Variants in NFIC observed in about 807,000 individuals in gnomAD.
NFIC encodes the protein nuclear factor 1 C-type.
A neutral mutation model predicts 54.4 loss-of-function variants in NFIC; 12 were observed. That is an observed-to-expected ratio of 0.22 (90% CI 0.14 to 0.36). The LOEUF is 0.36. Ranked by LOEUF, NFIC falls within the 10% of genes least tolerant of loss-of-function variation. NFIC has a pLI of 1.00. For synonymous variants in NFIC, 322 were observed against 319.2 expected, an observed-to-expected ratio of 1.01 and a Z score of -0.09; for missense variants, 575 against 718.2, an observed-to-expected ratio of 0.80 and a Z score of 2.28.
At chr19:3,444,316 G>A (rs1194239597) in intron 6 of NFIC, among the ~76,000 whole-genome samples, 8 of 152,188 alleles carry the variant, frequency 5.3e-5, no homozygotes, top group Non-Finnish European at 8.8e-5. Context: ...GGGAGCCCTC[G>A]GGCCTGCGTC....
intron 6 of NFIC, among the ~76,000 whole-genome samples, chr19:3,440,764 G>C (rs8106033): frequency 2.0e-5 from 3 of 152,032 alleles, no homozygotes; most frequent in Non-Finnish European, 4.4e-5. Context: ...CAGGTGATCC[G>C]CCCGCCTCGG....
chr19:3,394,529 C>G (rs1404331793), intron 2 of NFIC, among the ~76,000 whole-genome samples: 1 of 69,536 alleles, frequency 1.4e-5, no homozygotes, highest in Non-Finnish European at 2.6e-5. Flanking sequence ...ACCCACCCCC[C>G]ACCCGCTTAC....
intron 2 of NFIC, among the ~76,000 whole-genome samples, chr19:3,418,587 C>G (rs1290789678): frequency 6.6e-6 from 1 of 152,084 alleles, no homozygotes; most frequent in Non-Finnish European, 1.5e-5. Flanking sequence ...CGTGGTGGCT[C>G]ACACCTGTAA....
At chr19:3,422,342 G>A (rs2081965480) in intron 2 of NFIC, among the ~76,000 whole-genome samples, 1 of 151,726 alleles carries the variant, frequency 6.6e-6, no homozygotes, top group Non-Finnish European at 1.5e-5. Context: ...CCAAAGTGCT[G>A]AGATTACAGG....
intron 10 of NFIC, chr19:3,457,922 G>C (rs2082584960): frequency 6.6e-6 from 1 of 152,214 alleles, no homozygotes; most frequent in Non-Finnish European, 1.5e-5. Flanking sequence ...AGGGATGGAG[G>C]CTGCTTCTCC....
chr19:3,400,851 T>A (rs2081544336), intron 2 of NFIC, among the ~76,000 whole-genome samples: 1 of 151,830 alleles, frequency 6.6e-6, no homozygotes, highest in Non-Finnish European at 1.5e-5. Flanking sequence ...CAAAAAATAA[T>A]AATAATAAAA....
At chr19:3,451,349 T>G (rs564968280) in intron 7 of NFIC, among the ~76,000 whole-genome samples, 1 of 152,206 alleles carries the variant, frequency 6.6e-6, no homozygotes, top group East Asian at 1.9e-4. Context: ...GTGCTGGAAT[T>G]AGGCCGGGCA....
intron 6 of NFIC, among the ~76,000 whole-genome samples, chr19:3,444,487 AACAG>A (rs2082341025): frequency 6.6e-6 from 1 of 152,190 alleles, no homozygotes; most frequent in East Asian, 1.9e-4. Context: ...ATGCCTGCTG[AACAG>A]ACAGAGGATG....
chr19:3,388,542 G>A (rs1298581097), intron 2 of NFIC, among the ~76,000 whole-genome samples: 2 of 152,166 alleles, frequency 1.3e-5, no homozygotes, highest in Non-Finnish European at 2.9e-5. Flanking sequence ...AGGGATTGAG[G>A]CCAGGCGAGG....
chr19:3,366,102 G>A (rs2080877727), upstream of NFIC, among the ~76,000 whole-genome samples: 5 of 151,962 alleles, frequency 3.3e-5, no homozygotes, highest in South Asian at 1.0e-3. Flanking sequence ...GGTGGGGAGG[G>A]GGGGCCTTAA....
At chr19:3,360,675 C>T (rs2145408752) in intron 1 of NFIC, among the ~76,000 whole-genome samples, 1 of 152,292 alleles carries the variant, frequency 6.6e-6, no homozygotes, top group South Asian at 2.1e-4. Context: ...GTGTTGTGAG[C>T]GCCGCCCGCA....
Position 3,463,762 on chromosome 19 carries a change from T to C in NFIC, c.*993T>C. 2 of 984,756 alleles carry C rather than the reference T, an allele frequency of 2.0e-6. No individual in the cohort carries two copies. Among genetic ancestry groups the C allele is most frequent in the Non-Finnish European group, 2.4e-6 (2 of 829,876 alleles). The allele number at this position is 984,756 out of a possible 1,614,324, so 61.0% of individuals were successfully genotyped here. ...ATGGGGGAGCCCGGACACCCAGAGC[T>C]CCCCGAGTTGGGGGTGCCCGTCTGG... On this transcript the variant is annotated 3_prime_UTR_variant, in exon 11 of 11. Transcript: ENST00000443272.
intron 1 of NFIC, among the ~76,000 whole-genome samples, chr19:3,377,615 T>C (rs756244710): frequency 1.3e-5 from 2 of 152,000 alleles, no homozygotes; most frequent in Non-Finnish European, 2.9e-5. Context: ...TTTTATTTTA[T>C]TTTTTATTTT....
At chr19:3,442,295 G>A (rs914926588) in intron 6 of NFIC, among the ~76,000 whole-genome samples, 3 of 151,950 alleles carry the variant, frequency 2.0e-5, no homozygotes, top group African/African-American at 4.8e-5. Flanking sequence ...GGCGACAAAG[G>A]TCCCGTCCAC....
At chr19:3,384,308 C>A (rs2145482782) in intron 2 of NFIC, among the ~76,000 whole-genome samples, 1 of 152,134 alleles carries the variant, frequency 6.6e-6, no homozygotes, top group African/African-American at 2.4e-5. Context: ...CTCAAGCCAT[C>A]CTCCCACCTT....
intron 7 of NFIC, among the ~76,000 whole-genome samples, chr19:3,450,392 A>G (rs2082443035): frequency 2.0e-5 from 3 of 148,344 alleles, no homozygotes; most frequent in African/African-American, 7.5e-5. Flanking sequence ...ACAGTGGTTC[A>G]CACCTGTAAT....
intron 2 of NFIC, among the ~76,000 whole-genome samples, chr19:3,408,661 G>A (rs892034582): frequency 5.9e-5 from 9 of 151,978 alleles, no homozygotes; most frequent in Non-Finnish European, 8.8e-5. Context: ...TCACTCTGTC[G>A]CGCCAACTCG....
intron 2 of NFIC, among the ~76,000 whole-genome samples, chr19:3,403,240 C>A (rs1189937061): frequency 6.6e-6 from 1 of 152,152 alleles, no homozygotes; most frequent in Non-Finnish European, 1.5e-5. Context: ...AGAAAGTTTC[C>A]TTCTACCCCC....
Position 3,463,501 on chromosome 19 carries a change from C to G in NFIC, c.*732C>G. The stretch of plus-strand genomic sequence containing the variant: ...TGCCCCTCGAGGGGGCCCTGCCTGC[C>G]GCGGGGCCTCCCCACAAGCCCCTCC... On this transcript the variant is annotated 3_prime_UTR_variant, in exon 11 of 11. Transcript: ENST00000443272. 2 of 985,218 alleles carry G rather than the reference C, an allele frequency of 2.0e-6. No homozygotes were observed. The highest frequency in any genetic ancestry group is 2.4e-6 in the Non-Finnish European group (2 of 829,924). The allele number at this position is 985,218 out of a possible 1,614,324, so 61.0% of individuals were successfully genotyped here.
Sources: gnomAD v4.1 joint callset for allele counts (sites outside exome capture counted in the v4.1 genomes callset) on GRCh38, gnomAD v4.1.1 for gene constraint, MANE v1.5 for transcripts, NCBI Gene and HGNC (gene_info 2026-07-23, HGNC 2026-07-21) for gene names.